The following C14orf39 variants were observed in gnomAD, a reference collection of about 807,000 sequenced individuals.
C14orf39 encodes chromosome 14 open reading frame 39, also known as protein SIX6OS1.
A neutral mutation model predicts 85.6 loss-of-function variants in C14orf39; 66 were observed. The observed-to-expected ratio is 0.77, with a 90% CI of 0.63 to 0.95. The LOEUF is 0.95. Among genes scored for constraint, C14orf39 ranks in the 40% least tolerant of loss-of-function variants. C14orf39 has a pLI of 0.00. For missense variants in C14orf39, 735 were observed against 663.9 expected, an observed-to-expected ratio of 1.11 and a Z score of -1.18; for synonymous variants, 242 against 214.0, an observed-to-expected ratio of 1.13 and a Z score of -1.14.
intron 13 of C14orf39, among the ~76,000 whole-genome samples, chr14:60,459,891 A>G (rs1891441716): frequency 6.6e-6 from 1 of 151,802 alleles, no homozygotes; most frequent in Non-Finnish European, 1.5e-5. Context: ...TACTTCAAAT[A>G]TATTATTTGC....
At chr14:60,446,546 G>A (rs1204123879) in intron 16 of C14orf39, among the ~76,000 whole-genome samples, 2 of 152,104 alleles carry the variant, frequency 1.3e-5, no homozygotes, top group Non-Finnish European at 1.5e-5. Context: ...CTGAAATTGA[G>A]GCAATAATTA....
intron 1 of C14orf39, among the ~76,000 whole-genome samples, chr14:60,506,889 C>T (rs1268008587): frequency 6.6e-5 from 10 of 152,162 alleles, no homozygotes; most frequent in Non-Finnish European, 1.3e-4. Flanking sequence ...ATAAATATTC[C>T]CATTTCCTGG....
At chr14:60,500,128 A>G (rs1431625865) in intron 1 of C14orf39, among the ~76,000 whole-genome samples, 3 of 152,166 alleles carry the variant, frequency 2.0e-5, no homozygotes, top group Non-Finnish European at 4.4e-5. Context: ...CCTGGGTTCA[A>G]GTGATTCTCC....
At position 60,491,794 on chromosome 14, in the gene C14orf39, T is replaced by C. The variant is rs1442179933; in HGVS notation, c.-8-6708A>G. 6.6e-6 allele frequency among the ~76,000 whole-genome samples: 1 copy of C among 152,144 alleles called. No homozygotes were observed. The highest frequency in any genetic ancestry group is 1.5e-5 in the Non-Finnish European group (1 of 68,016). ...ATCCTGTGACAGAGCAATTCTTAAA[T>C]GTAAATATTCTCTCTCTCTTTTTCT... On this transcript the variant is annotated intron_variant, in intron 2 of 5. Coordinates refer to the C14orf39 transcript ENST00000556799. The surrounding 1 kb of genome is among the most constrained non-coding windows in gnomAD (Gnocchi z 4.5).
intron 2 of C14orf39, among the ~76,000 whole-genome samples, chr14:60,492,565 A>G (rs924564347): frequency 6.6e-6 from 1 of 151,756 alleles, no homozygotes. Flanking sequence ...CTTGAGTTCG[A>G]GACCAGCCTG....
intron 6 of C14orf39, 29 bp from the exon 7 acceptor site, chr14:60,471,488 A>G (rs199808200): frequency 6.3e-7 from 1 of 1,584,516 alleles, no homozygotes; most frequent in Non-Finnish European, 8.6e-7. Flanking sequence ...GCATAAGCTG[A>G]TTATTATATT....
At chr14:60,461,766 A>G (rs1891546993) in intron 11 of C14orf39, among the ~76,000 whole-genome samples, 173 bp from the exon 12 acceptor site, 1 of 152,164 alleles carries the variant, frequency 6.6e-6, no homozygotes. Context: ...CATACAAAAC[A>G]TTAAGTTGAA....
intron 7 of C14orf39, among the ~76,000 whole-genome samples, chr14:60,470,867 T>C (rs1012341472): frequency 3.3e-5 from 5 of 151,932 alleles, no homozygotes; most frequent in Admixed American, 6.6e-5. Context: ...AAGTTCATCA[T>C]CAGGGAAGAT....
chr14:60,451,390 G>A (rs190272996), intron 16 of C14orf39, among the ~76,000 whole-genome samples: 47 of 152,172 alleles, frequency 3.1e-4, no homozygotes, highest in Admixed American at 2.7e-3. Context: ...ACATGCACAC[G>A]TATGTTTATT....
At chr14:60,452,857 T>C (rs1891100938) in intron 16 of C14orf39, among the ~76,000 whole-genome samples, 1 of 152,178 alleles carries the variant, frequency 6.6e-6, no homozygotes, top group African/African-American at 2.4e-5. Context: ...ATCTATGGCC[T>C]ACATATTTAG....
At chr14:60,456,003 C>A (rs1461573943) in intron 15 of C14orf39, among the ~76,000 whole-genome samples, 6 of 152,012 alleles carry the variant, frequency 3.9e-5, no homozygotes, top group African/African-American at 1.4e-4. Flanking sequence ...TTTTACAGTT[C>A]TCAGGTTTGA....
chr14:60,460,262 C>T (rs1349022782), intron 13 of C14orf39, among the ~76,000 whole-genome samples: 2 of 151,762 alleles, frequency 1.3e-5, no homozygotes, highest in Non-Finnish European at 3.0e-5. Context: ...CCCCATGTTC[C>T]TAGAGATTAG....
In C14orf39 at chr14:60,454,986, G is replaced by A. The variant is rs747101777; in HGVS notation, c.1503+15C>T. The A allele has an allele frequency of 3.4e-6, 5 of 1,484,930 alleles. No homozygotes were observed. In the South Asian group the frequency reaches 7.0e-5, roughly 21 times the overall value. The allele number at this position is 1,484,930 out of a possible 1,614,324, so 92.0% of individuals were successfully genotyped here. A position where few individuals can be genotyped will look rare whatever the true frequency, so the allele number is the denominator to read the frequency against. On this transcript the variant is annotated intron_variant, in intron 16 of 17. Transcript: ENST00000321731. ...CAGAATTTTTAGAAATAAAACTTTTGGCTTCTCATATTACCTGATCTGATG... is the reference window on the plus strand; with the variant it reads ...CAGAATTTTTAGAAATAAAACTTTTAGCTTCTCATATTACCTGATCTGATG...
upstream of C14orf39, among the ~76,000 whole-genome samples, chr14:60,487,689 T>G (rs928570849): frequency 1.3e-5 from 2 of 152,246 alleles, no homozygotes; most frequent in African/African-American, 4.8e-5. Context: ...ATTTTTAAAT[T>G]TTGAGAAGTC....
At chr14:60,514,825 GCGAGAGCGCGGA>G (rs1192471508) in intron 1 of C14orf39, among the ~76,000 whole-genome samples, 2 of 152,248 alleles carry the variant, frequency 1.3e-5, no homozygotes, top group African/African-American at 4.8e-5. Flanking sequence ...CAACGGGGAC[GCGAGAGCGCGGA>G]CGATTTCCGC....
At chr14:60,481,094 A>T (rs1419797412) in intron 4 of C14orf39, among the ~76,000 whole-genome samples, 1 of 152,224 alleles carries the variant, frequency 6.6e-6, no homozygotes, top group Non-Finnish European at 1.5e-5. Context: ...TATGCTAGAA[A>T]AATGAGCTTT....
chr14:60,454,314 T>C (rs1365492689), intron 16 of C14orf39, among the ~76,000 whole-genome samples: 1 of 151,920 alleles, frequency 6.6e-6, no homozygotes, highest in Non-Finnish European at 1.5e-5. Context: ...GATTATTAAG[T>C]GGTTGGTACT....
chr14:60,479,336 C>T (rs1182413357), intron 4 of C14orf39, among the ~76,000 whole-genome samples: 1 of 152,058 alleles, frequency 6.6e-6, no homozygotes, highest in African/African-American at 2.4e-5. Flanking sequence ...TACATATATT[C>T]TCAATATTTT....
chr14:60,479,618 A>G (rs1251439094), intron 4 of C14orf39, among the ~76,000 whole-genome samples: 3 of 152,220 alleles, frequency 2.0e-5, no homozygotes, highest in Non-Finnish European at 4.4e-5. Flanking sequence ...CTTTTGATGT[A>G]CATCCTTCTA....
Sources: allele counts gnomAD v4.1 joint callset (sites outside exome capture counted in the v4.1 genomes callset), GRCh38; gene constraint gnomAD v4.1.1; non-coding constraint Gnocchi (gnomAD v3.1); transcripts MANE v1.5; gene names NCBI Gene and HGNC (gene_info 2026-07-23, HGNC 2026-07-21).